PKP2: variants seen among roughly 807,000 people sequenced by gnomAD.
PKP2 encodes the protein plakophilin 2.
A neutral mutation model predicts 83.4 loss-of-function variants in PKP2; 73 were observed. The observed-to-expected ratio is 0.88, with a 90% confidence interval of 0.72 to 1.06. The LOEUF is 1.06. Among genes scored for constraint, PKP2 ranks in the 50% least tolerant of loss-of-function variants. The pLI, the probability that PKP2 is intolerant of heterozygous loss-of-function variation, is 0.00. For synonymous variants in PKP2, 409 were observed against 430.4 expected, an observed-to-expected ratio of 0.95 and a Z score of 0.62; for missense variants, 966 against 1,065.4, an observed-to-expected ratio of 0.91 and a Z score of 1.30.
intron 4 of PKP2, among the ~76,000 whole-genome samples, chr12:32,852,211 C>T (rs1349672513): frequency 6.6e-6 from 1 of 152,160 alleles, no homozygotes; most frequent in Non-Finnish European, 1.5e-5. Context: ...TTTTCATGAA[C>T]GGGCATGAAC....
intron 4 of PKP2, among the ~76,000 whole-genome samples, chr12:32,866,730 T>C (rs943146735): frequency 2.6e-5 from 4 of 152,128 alleles, no homozygotes; most frequent in Non-Finnish European, 5.9e-5. Flanking sequence ...GAATGTGAAA[T>C]GGCACAGCTA....
At chr12:32,839,235 C>T (rs2137825017) in intron 6 of PKP2, among the ~76,000 whole-genome samples, 1 of 152,030 alleles carries the variant, frequency 6.6e-6, no homozygotes, top group East Asian at 1.9e-4. Flanking sequence ...TTTTGCTGTC[C>T]TTGCTATAAA....
At chr12:32,895,650 G>C (rs1957115785) in intron 1 of PKP2, among the ~76,000 whole-genome samples, 1 of 152,178 alleles carries the variant, frequency 6.6e-6, no homozygotes, top group Non-Finnish European at 1.5e-5. Flanking sequence ...CTTCAGCAGG[G>C]GAGAAAAGGA....
chr12:32,862,466 G>A (rs1466127127), intron 4 of PKP2, among the ~76,000 whole-genome samples: 4 of 151,946 alleles, frequency 2.6e-5, no homozygotes, highest in African/African-American at 7.2e-5. Flanking sequence ...GACCAACATG[G>A]AGAAACCCCA....
At chr12:32,869,696 A>G (rs1476341919) in intron 3 of PKP2, among the ~76,000 whole-genome samples, 1 of 152,230 alleles carries the variant, frequency 6.6e-6, no homozygotes, top group Admixed American at 6.5e-5. Context: ...TTTTAAAAGA[A>G]TCCAAAAGAA....
chr12:32,800,139 G>A (rs11615932), intron 10 of PKP2, among the ~76,000 whole-genome samples: 7,930 of 152,150 alleles, frequency 0.052, 236 homozygotes, highest in African/African-American at 0.063. Context: ...TTCTGAATAC[G>A]TGTTGTGTTT....
chr12:32,884,782 G>GTT (rs61601476), intron 1 of PKP2, among the ~76,000 whole-genome samples: 28 of 141,276 alleles, frequency 2.0e-4, no homozygotes, highest in Admixed American at 2.9e-4. Context: ...TTGTAGAGCA[G>GTT]TTTTTTTTTT....
At chr12:32,829,714 G>A (rs956434925) in intron 6 of PKP2, among the ~76,000 whole-genome samples, 3 of 152,038 alleles carry the variant, frequency 2.0e-5, no homozygotes, top group African/African-American at 4.8e-5. Flanking sequence ...AGGCTGGAGT[G>A]CAGTGGCGAA....
chr12:32,798,073 A>G (rs1382694270), intron 10 of PKP2, among the ~76,000 whole-genome samples: 1 of 136,728 alleles, frequency 7.3e-6, no homozygotes, highest in East Asian at 2.4e-4. Flanking sequence ...TACATAAGTA[A>G]TACTACTCTT....
intron 6 of PKP2, among the ~76,000 whole-genome samples, chr12:32,839,723 G>C (rs760321890): frequency 3.3e-5 from 5 of 152,136 alleles, no homozygotes; most frequent in Non-Finnish European, 7.3e-5. Flanking sequence ...TAAGAACTCT[G>C]TTTTATGTGG....
At position 32,791,237 on chromosome 12, in the gene PKP2, T is replaced by TATTTCTC. The variant is rs1956062847; in HGVS notation, c.*1186_*1187insGAGAAAT. ...GCTGGATGATGTCAACCATTTAAAATATCAGTATTTCTCATATCATTTCTG... is the reference window on the plus strand; with the variant it reads ...GCTGGATGATGTCAACCATTTAAAATATTTCTCATCAGTATTTCTCATATCATTTCTG... On this transcript the variant is annotated 3_prime_UTR_variant, in exon 13 of 13. Coordinates refer to ENST00000340811, the MANE Select transcript of PKP2 (RefSeq NM_001005242.3). 1 of 152,174 alleles carries TATTTCTC rather than the reference T, an allele frequency of 6.6e-6. No homozygotes were observed. Among genetic ancestry groups the TATTTCTC allele is most frequent in the Non-Finnish European group, 1.5e-5 (1 of 68,034 alleles). The allele number at this position is 152,174 out of a possible 1,614,324, so 9.4% of individuals were successfully genotyped here.
intron 9 of PKP2, among the ~76,000 whole-genome samples, chr12:32,806,159 T>C (rs1956223773): frequency 6.6e-6 from 1 of 152,190 alleles, no homozygotes; most frequent in African/African-American, 2.4e-5. Flanking sequence ...CCATGGATAT[T>C]GGCCTGAAGT....
chr12:32,792,864 C>A, intron 11 of PKP2, 133 bp from the exon 12 acceptor site: 2 of 737,982 alleles, frequency 2.7e-6, no homozygotes, highest in South Asian at 1.4e-5. Context: ...TCAGGCCACT[C>A]GGTGACCAGA....
chr12:32,873,001 AG>A (rs1246246388), intron 3 of PKP2, among the ~76,000 whole-genome samples: 7 of 152,114 alleles, frequency 4.6e-5, no homozygotes, highest in Admixed American at 4.6e-4. Context: ...TCTGCTCTGC[AG>A]TGCTCTTGGT....
intron 10 of PKP2, among the ~76,000 whole-genome samples, chr12:32,799,686 G>C (rs759490234): frequency 6.6e-6 from 1 of 152,196 alleles, no homozygotes; most frequent in Non-Finnish European, 1.5e-5. Context: ...CTCAGGAATG[G>C]AAAACCAAAT....
rs1956873618 is a variant in PKP2, at chr12:32,868,964, T to C, written c.1133A>G (p.Gln378Arg). Residue 378 changes from glutamine to arginine, a missense_variant, in exon 4 of 13, where the codon CAG becomes CGG. Gln to Arg is a conservative substitution (Grantham distance 43). Coordinates refer to ENST00000340811, the MANE Select transcript of PKP2 (RefSeq NM_001005242.3). Reference protein sequence around the residue: ...SRISAAATFIQHECFQKSEAR... With the variant: ...SRISAAATFIRHECFQKSEAR... ...TTCAGATTTCTGGAAGCACTCGTGC[T>C]GTATGAAAGTAGCTGCAGCAGAAAT... The C allele has an allele frequency of 4.3e-6, 7 of 1,613,878 alleles. No individual in the cohort carries two copies. The highest frequency in any genetic ancestry group is 1.1e-5 in the South Asian group (1 of 91,066).
At chr12:32,800,716 A>G (rs1956171010) in intron 10 of PKP2, among the ~76,000 whole-genome samples, 1 of 152,228 alleles carries the variant, frequency 6.6e-6, no homozygotes, top group African/African-American at 2.4e-5. Context: ...AGTGGATGCT[A>G]TTATCAGAAG....
intron 5 of PKP2, among the ~76,000 whole-genome samples, chr12:32,849,655 C>G (rs1382715782): frequency 6.6e-6 from 1 of 152,156 alleles, no homozygotes; most frequent in Non-Finnish European, 1.5e-5. Flanking sequence ...ATGAAAGTAG[C>G]CCCTTCTCTT....
Sources: allele counts gnomAD v4.1 joint callset (sites outside exome capture counted in the v4.1 genomes callset), GRCh38; gene constraint gnomAD v4.1.1; transcripts MANE v1.5; gene names NCBI Gene and HGNC (gene_info 2026-07-23, HGNC 2026-07-21).